FRMPD4: variants seen among roughly 807,000 people sequenced by gnomAD.
The protein encoded by FRMPD4 is FERM and PDZ domain-containing protein 4.
In FRMPD4, 22 loss-of-function variants were observed where a neutral mutation model predicts 94.1. The observed-to-expected ratio is 0.23, with a 90% confidence interval of 0.17 to 0.33. The LOEUF (loss-of-function observed/expected upper bound fraction) is 0.33. Ranked by LOEUF, FRMPD4 falls within the 10% of genes least tolerant of loss-of-function variation. The pLI is 1.00. For missense variants in FRMPD4, 1,111 were observed against 1,339.9 expected, an observed-to-expected ratio of 0.83 and a Z score of 2.67; for synonymous variants, 631 against 548.6, an observed-to-expected ratio of 1.15 and a Z score of -2.10.
At chrX:12,670,475 AAAAC>A (rs1264009215) in intron 4 of FRMPD4, among the ~76,000 whole-genome samples, 1 of 112,196 alleles carries the variant, frequency 8.9e-6, no homozygotes, top group African/African-American at 3.2e-5. Context: ...AAACCTGACA[AAAAC>A]AAGCAATGGG....
chrX:12,075,021 T>C (rs73632671), intron 3 of FRMPD4, among the ~76,000 whole-genome samples: 1 of 111,964 alleles, frequency 8.9e-6, no homozygotes, highest in Non-Finnish European at 1.9e-5. Flanking sequence ...GGCTAGATCA[T>C]GTCTCCAATA....
At chrX:12,109,399 G>A (rs1480238889) in intron 3 of FRMPD4, among the ~76,000 whole-genome samples, 1 of 112,156 alleles carries the variant, frequency 8.9e-6, no homozygotes, top group East Asian at 2.8e-4. Context: ...CAACATACCA[G>A]AATCTCTGGG....
At chrX:12,390,112 A>C (rs944511434) in intron 1 of FRMPD4, among the ~76,000 whole-genome samples, 9 of 112,163 alleles carry the variant, frequency 8.0e-5, no homozygotes, top group African/African-American at 2.9e-4. Flanking sequence ...CCAGGCTGCA[A>C]TGTTGAACTT....
At chrX:12,477,231 C>T in intron 1 of FRMPD4, among the ~76,000 whole-genome samples, 1 of 111,131 alleles carries the variant, frequency 9.0e-6, no homozygotes, top group South Asian at 3.9e-4. Flanking sequence ...CACATGTTCT[C>T]ACTCGTAGGT....
intron 1 of FRMPD4, among the ~76,000 whole-genome samples, chrX:12,395,045 T>G (rs1209509850): frequency 8.9e-6 from 1 of 112,412 alleles, no homozygotes; most frequent in Non-Finnish European, 1.9e-5. Context: ...GCATGAAATT[T>G]CCGACTTATC....
intron 1 of FRMPD4, among the ~76,000 whole-genome samples, chrX:12,420,677 G>A (rs1185133965): frequency 5.4e-5 from 6 of 111,954 alleles, no homozygotes; most frequent in South Asian, 3.7e-4. Flanking sequence ...ACTCAACACC[G>A]GTCGTTGATA....
intron 1 of FRMPD4, among the ~76,000 whole-genome samples, chrX:12,390,125 G>A (rs112452395): frequency 8.9e-6 from 1 of 112,058 alleles, no homozygotes; most frequent in African/African-American, 3.2e-5. Context: ...TTGAACTTCA[G>A]ATTTGTGATG....
intron 3 of FRMPD4, among the ~76,000 whole-genome samples, chrX:11,981,706 T>C (rs990258355): frequency 3.6e-5 from 4 of 111,892 alleles, no homozygotes; most frequent in Non-Finnish European, 7.5e-5. Flanking sequence ...CATTTTATTA[T>C]GCATTTTTGT....
rs1384196765 is a variant in FRMPD4 at position 12,707,030 on chromosome X, C to G, written c.1287+115C>G. 3.1e-5 allele frequency: 13 copies of G among 418,983 alleles called. No homozygotes were observed. The East Asian group carries it at 5.0e-4, about 16-fold the overall frequency. 34.5% of individuals were successfully genotyped at this position (418,983 alleles called of 1,213,427 possible). A position where few individuals can be genotyped will look rare whatever the true frequency, so the allele number is the denominator to read the frequency against. ...ATCTTCTCCAGCCTTCATTTCTAAC[C>G]AACTTCACAACAGTCTGAAAATATC... is the stretch of plus-strand genomic sequence containing the variant. On this transcript the variant is annotated intron_variant, in intron 12 of 16. Coordinates refer to ENST00000675598, the MANE Select transcript of FRMPD4 (RefSeq NM_001368397.1).
chrX:12,379,584 T>C (rs1358086928), intron 1 of FRMPD4, among the ~76,000 whole-genome samples: 1 of 110,768 alleles, frequency 9.0e-6, no homozygotes, highest in Non-Finnish European at 1.9e-5. Flanking sequence ...AATAGACACA[T>C]GATAATTTGT....
chrX:11,928,487 A>G (rs747926280), intron 3 of FRMPD4, among the ~76,000 whole-genome samples: 2 of 112,202 alleles, frequency 1.8e-5, no homozygotes, highest in South Asian at 3.8e-4. Flanking sequence ...CCATGATTCA[A>G]TTACCTCCCA....
intron 1 of FRMPD4, among the ~76,000 whole-genome samples, chrX:12,360,957 G>GAAAA (rs71871271): frequency 6.8e-5 from 4 of 58,877 alleles, no homozygotes; most frequent in Non-Finnish European, 9.6e-5. Context: ...GCCATGAAAA[G>GAAAA]AAAAAAAAAA....
chrX:12,209,081 T>C (rs1391334226), intron 1 of FRMPD4, among the ~76,000 whole-genome samples: 2 of 112,045 alleles, frequency 1.8e-5, no homozygotes, highest in Non-Finnish European at 3.8e-5. Flanking sequence ...TAATGGAATT[T>C]TGTCTTCTTA....
rs369700317 is a variant in FRMPD4 at position 12,563,239 on chromosome X, TACAC to T, written c.159-46450_159-46447del. Among the ~76,000 whole-genome samples the T allele has an allele frequency of 9.3e-3, 903 of 97,242 alleles. 4 individuals are homozygous for T. Among genetic ancestry groups the T allele is most frequent in the Middle Eastern group, 0.026 (5 of 190 alleles). 84.4% of individuals were successfully genotyped at this position (97,242 alleles called of 115,157 possible). On this transcript the variant is annotated intron_variant, in intron 2 of 16. Coordinates refer to ENST00000675598, the MANE Select transcript of FRMPD4 (RefSeq NM_001368397.1). ...TCACAATTTTATGCATGTAAGTGTG[TACAC>T]ACACACACACACACACACACACACA... is the stretch of plus-strand genomic sequence containing the variant.
intron 1 of FRMPD4, among the ~76,000 whole-genome samples, chrX:12,385,852 T>G (rs1445690335): frequency 8.9e-6 from 1 of 112,383 alleles, no homozygotes; most frequent in Non-Finnish European, 1.9e-5. Context: ...GAGGGAACCT[T>G]GTTTGAAAAA....
At chrX:12,653,645 A>C (rs766566757) in intron 4 of FRMPD4, among the ~76,000 whole-genome samples, 7 of 110,901 alleles carry the variant, frequency 6.3e-5, no homozygotes, top group Admixed American at 5.7e-4. Flanking sequence ...TTAGAGACTG[A>C]CTTTTAAATC....
At chrX:12,334,985 G>A (rs747852143) in intron 1 of FRMPD4, among the ~76,000 whole-genome samples, 1 of 111,500 alleles carries the variant, frequency 9.0e-6, no homozygotes, top group Non-Finnish European at 1.9e-5. Context: ...TACAATTGAA[G>A]TTAACTAACT....
At chrX:12,644,940 A>G (rs927377805) in intron 4 of FRMPD4, among the ~76,000 whole-genome samples, 1 of 111,889 alleles carries the variant, frequency 8.9e-6, no homozygotes, top group African/African-American at 3.3e-5. Flanking sequence ...CAAACTGACT[A>G]CTTAACCTGT....
At chrX:12,059,445 A>T (rs2054872499) in intron 3 of FRMPD4, among the ~76,000 whole-genome samples, 1 of 111,231 alleles carries the variant, frequency 9.0e-6, no homozygotes, top group Admixed American at 9.6e-5. Context: ...TTTTTGTCTG[A>T]TAGTACTAGT....
Sources: gnomAD v4.1 joint callset for allele counts (sites outside exome capture counted in the v4.1 genomes callset) on GRCh38, gnomAD v4.1.1 for gene constraint, MANE v1.5 for transcripts, NCBI Gene and HGNC (gene_info 2026-07-23, HGNC 2026-07-21) for gene names.